Variants in DCLK2 observed in about 807,000 individuals in gnomAD.
DCLK2 encodes doublecortin like kinase 2.
A neutral mutation model predicts 78.4 loss-of-function variants in DCLK2; 31 were observed. The ratio of observed to expected loss-of-function variants is 0.40; its 90% CI spans 0.30 to 0.53. The LOEUF (loss-of-function observed/expected upper bound fraction) is 0.53. DCLK2 is among the 20% of genes least tolerant of loss of function. The probability of loss-of-function intolerance (pLI) is 0.61; values close to 1 mark genes in which losing one functional copy is unlikely to be tolerated. For missense variants in DCLK2, 872 were observed against 973.7 expected (o/e 0.90, Z 1.39); for synonymous variants, 407 against 374.9 (o/e 1.09, Z -0.99).
In DCLK2 at chr4:150,193,169, A is replaced by G; in HGVS notation, c.788A>G (p.Asp263Gly). ...TGTCTGCAAGACTTTTTTGGTGATG[A>G]CGATGTTTTTATTGCATGTGGACCA... The part of the protein sequence containing the change: ...VTCLQDFFGD[D>G]DVFIACGPEK... Residue 263 changes from aspartate (D) to glycine (G), a missense_variant, in exon 3 of 16, where the codon GAC becomes GGC. By Grantham distance (94) the Asp-to-Gly change is moderately conservative (BLOSUM62 -1). Transcript: ENST00000296550. 1.2e-6 allele frequency: 2 copies of G among 1,610,198 alleles called. No homozygotes were observed. Among genetic ancestry groups the G allele is most frequent in the Non-Finnish European group, 1.7e-6 (2 of 1,177,626 alleles).
intron 2 of DCLK2, among the ~76,000 whole-genome samples, chr4:150,136,276 C>T (rs1733675415): frequency 6.6e-6 from 1 of 152,180 alleles, no homozygotes; most frequent in African/African-American, 2.4e-5. Context: ...TACGGTCCCT[C>T]TGAATGATAA....
intron 1 of DCLK2, among the ~76,000 whole-genome samples, chr4:150,094,982 T>G (rs1482792584): frequency 6.6e-6 from 1 of 152,172 alleles, no homozygotes; most frequent in Non-Finnish European, 1.5e-5. Flanking sequence ...TGCAACAAAA[T>G]CACCTGATTT....
At chr4:150,087,529 C>T (rs1214860074) in intron 1 of DCLK2, among the ~76,000 whole-genome samples, 1 of 152,130 alleles carries the variant, frequency 6.6e-6, no homozygotes, top group African/African-American at 2.4e-5. Context: ...ATTTAACATG[C>T]ATACACAGGA....
At chr4:150,156,176 G>A (rs1002215807) in intron 2 of DCLK2, among the ~76,000 whole-genome samples, 16 of 152,112 alleles carry the variant, frequency 1.1e-4, no homozygotes, top group South Asian at 6.2e-4. Flanking sequence ...TGCAAAAGCC[G>A]TGTTAGATGT....
chr4:150,099,364 G>T (rs998795088), intron 1 of DCLK2, among the ~76,000 whole-genome samples: 2 of 152,232 alleles, frequency 1.3e-5, no homozygotes, highest in Non-Finnish European at 2.9e-5. Flanking sequence ...CAACCTGATG[G>T]ATTAACATCG....
intron 2 of DCLK2, among the ~76,000 whole-genome samples, chr4:150,177,234 T>G (rs1737156072): frequency 6.6e-6 from 1 of 152,216 alleles, no homozygotes; most frequent in African/African-American, 2.4e-5. Context: ...GGGTTTTTTT[T>G]GTTTTCTCTA....
intron 2 of DCLK2, among the ~76,000 whole-genome samples, chr4:150,171,860 C>G (rs563652247): frequency 1.8e-3 from 278 of 152,354 alleles, no homozygotes; most frequent in South Asian, 2.9e-3. Flanking sequence ...CTACTCATTC[C>G]ACTTCTTTTC....
At chr4:150,183,558 C>G (rs1375388459) in intron 2 of DCLK2, among the ~76,000 whole-genome samples, 2 of 151,994 alleles carry the variant, frequency 1.3e-5, no homozygotes. Flanking sequence ...CTGGTCTACC[C>G]AAACAATTTA....
At chr4:150,254,712 G>A (rs1744436004) in intron 15 of DCLK2, among the ~76,000 whole-genome samples, 1 of 152,124 alleles carries the variant, frequency 6.6e-6, no homozygotes, top group Admixed American at 6.5e-5. Flanking sequence ...ACAGGATCTT[G>A]CTCTGTTGCC....
intron 1 of DCLK2, among the ~76,000 whole-genome samples, chr4:150,085,045 C>T (rs1280960884): frequency 6.6e-6 from 1 of 152,118 alleles, no homozygotes; most frequent in Non-Finnish European, 1.5e-5. Flanking sequence ...AATATGGCTG[C>T]ATTGTCATCC....
chr4:150,210,187 A>T (rs768237312), intron 5 of DCLK2, among the ~76,000 whole-genome samples: 21 of 152,176 alleles, frequency 1.4e-4, no homozygotes, highest in Admixed American at 2.6e-4. Context: ...CTATCTGTGG[A>T]AAAAGGGATT....
chr4:150,179,038 C>CT (rs1560839240), intron 2 of DCLK2, among the ~76,000 whole-genome samples: 2 of 151,990 alleles, frequency 1.3e-5, no homozygotes, highest in Admixed American at 6.6e-5. Flanking sequence ...CTTTTCTTTT[C>CT]TTTTTTTGAG....
At chr4:150,173,248 G>A (rs1736686900) in intron 2 of DCLK2, among the ~76,000 whole-genome samples, 1 of 152,096 alleles carries the variant, frequency 6.6e-6, no homozygotes, top group African/African-American at 2.4e-5. Context: ...TCTCCTGCCC[G>A]TCACTCTGCA....
chr4:150,090,914 GTGT>G (rs1730014102), intron 1 of DCLK2, among the ~76,000 whole-genome samples: 1 of 152,150 alleles, frequency 6.6e-6, no homozygotes, highest in African/African-American at 2.4e-5. Context: ...GCAGAAATAG[GTGT>G]TGTATTCATT....
intron 2 of DCLK2, among the ~76,000 whole-genome samples, chr4:150,127,185 A>AT (rs543618860): frequency 1.3e-5 from 2 of 152,212 alleles, no homozygotes; most frequent in East Asian, 1.9e-4. Context: ...TACATTTATA[A>AT]TTTTTTTATA....
chr4:150,221,884 T>C (rs1303454629), intron 7 of DCLK2, 99 bp downstream of exon 7: 1 of 756,150 alleles, frequency 1.3e-6, no homozygotes, highest in Non-Finnish European at 2.0e-6. Context: ...TTATTCTTAA[T>C]TTTAAAAAGG....
chr4:150,099,452 A>G (rs971810071), intron 1 of DCLK2, among the ~76,000 whole-genome samples: 4 of 152,238 alleles, frequency 2.6e-5, no homozygotes, highest in South Asian at 2.1e-4. Flanking sequence ...AGGCAAATCT[A>G]TATAAGAGAC....
chr4:150,247,399 C>T (rs570392011), intron 12 of DCLK2, among the ~76,000 whole-genome samples: 13 of 152,108 alleles, frequency 8.5e-5, no homozygotes, highest in East Asian at 1.9e-4. Context: ...TTTAATTCCT[C>T]GGCCTATGGA....
At chr4:150,211,756 C>T (rs189708609) in intron 5 of DCLK2, among the ~76,000 whole-genome samples, 4 of 152,216 alleles carry the variant, frequency 2.6e-5, no homozygotes, top group East Asian at 1.9e-4. Flanking sequence ...CTGTGGACCT[C>T]GTTTGCTTCT....
Sources: allele counts gnomAD v4.1 joint callset (sites outside exome capture counted in the v4.1 genomes callset), GRCh38; gene constraint gnomAD v4.1.1; transcripts MANE v1.5; gene names NCBI Gene and HGNC (gene_info 2026-07-23, HGNC 2026-07-21).